UPB1: variants seen among roughly 807,000 people sequenced by gnomAD.
UPB1 encodes the protein beta-ureidopropionase 1.
Under a neutral mutation model 49.1 loss-of-function variants are expected in UPB1, and 40 were observed. The observed-to-expected ratio is 0.81, with a 90% CI of 0.63 to 1.06. The LOEUF (loss-of-function observed/expected upper bound fraction) is 1.06. Among genes scored for constraint, UPB1 ranks in the 50% least tolerant of loss-of-function variants. The pLI is 0.00. For synonymous variants in UPB1, 207 were observed against 198.2 expected (o/e 1.04, Z -0.38); for missense variants, 499 against 505.9 (o/e 0.99, Z 0.13).
At chr22:24,508,643 C>T (rs1254348259) in intron 3 of UPB1, among the ~76,000 whole-genome samples, 3 of 149,572 alleles carry the variant, frequency 2.0e-5, no homozygotes, top group East Asian at 4.0e-4. Flanking sequence ...TTTGGGAGGC[C>T]GAGGCAGCTG....
chr22:24,518,761 C>T (rs1201341662), intron 6 of UPB1, among the ~76,000 whole-genome samples: 1 of 152,204 alleles, frequency 6.6e-6, no homozygotes, highest in East Asian at 1.9e-4. Context: ...GTGTCCCTTA[C>T]AGCTTGGGTG....
intron 3 of UPB1, among the ~76,000 whole-genome samples, chr22:24,510,152 G>A (rs1172101164): frequency 6.6e-6 from 1 of 151,516 alleles, no homozygotes; most frequent in Non-Finnish European, 1.5e-5. Flanking sequence ...AGAATTGCTT[G>A]AACCTGGGAG....
intron 1 of UPB1, among the ~76,000 whole-genome samples, chr22:24,497,352 C>T (rs1240406575): frequency 6.6e-6 from 1 of 152,156 alleles, no homozygotes; most frequent in Non-Finnish European, 1.5e-5. Flanking sequence ...ATTTGATTCA[C>T]CCCCGCCATG....
rs2044436915 is a variant in UPB1, at chr22:24,523,741, T to C, written c.1039T>C (p.Cys347Arg). ...AGTTGCTAAGCTCGACCTAAACCTC[T>C]GCCAGCAGGTGAATGATGTCTGGAA... Reference protein sequence around the residue: ...LLVAKLDLNLCQQVNDVWNFK... With the variant: ...LLVAKLDLNLRQQVNDVWNFK... Residue 347 changes from cysteine (C) to arginine (R), a missense_variant, in exon 9 of 10, where the codon TGC becomes CGC. Physicochemically the swap from Cys to Arg is radical, Grantham distance 180 (BLOSUM62 -3). Coordinates refer to ENST00000326010, the MANE Select transcript of UPB1 (RefSeq NM_016327.3). The C allele has an allele frequency of 1.2e-6, 2 of 1,614,266 alleles. No homozygotes were observed. The highest frequency in any genetic ancestry group is 1.7e-6 in the Non-Finnish European group (2 of 1,180,042).
At position 24,525,772 on chromosome 22, in the gene UPB1, G is replaced by A. The variant is rs1411908247; in HGVS notation, c.1133G>A (p.Ser378Asn). The stretch of plus-strand genomic sequence containing the variant: ...GCCGAAGCTGTCAAGTCCAACTACA[G>A]CCCCACCATCGTGAAAGAGTAGCCG... ...ELAEAVKSNY[S>N]PTIVKE Residue 378 changes from serine (S) to asparagine (N), a missense_variant, in exon 10 of 10, where the codon AGC becomes AAC. Coordinates refer to ENST00000326010, the MANE Select transcript of UPB1 (RefSeq NM_016327.3). 1 of 1,614,202 alleles carries A rather than the reference G, an allele frequency of 6.2e-7. No individual in the cohort carries two copies. The highest frequency in any genetic ancestry group is 8.5e-7 in the Non-Finnish European group (1 of 1,180,040).
At chr22:24,504,938 T>A in intron 3 of UPB1, among the ~76,000 whole-genome samples, 1 of 143,846 alleles carries the variant, frequency 7.0e-6, no homozygotes, top group Non-Finnish European at 1.5e-5. Flanking sequence ...AAAGATGAGA[T>A]CTGTGTTGCC....
intron 1 of UPB1, among the ~76,000 whole-genome samples, chr22:24,496,764 AAG>A (rs1423009881): frequency 6.6e-6 from 1 of 151,014 alleles, no homozygotes; most frequent in African/African-American, 2.4e-5. Context: ...GGGTCAGAGA[AAG>A]AGACTTTGTG....
chr22:24,515,266 G>C lies in UPB1; in HGVS notation c.687G>C (p.Ala229=). The change falls in exon 6 of 10, where the codon GCG becomes GCC. Residue 229 remains alanine (A), a synonymous_variant. Transcript: ENST00000326010. ...PVFQTQFGRI[A]VNICYGRHHP... ...TCCAGACGCAGTTCGGAAGGATCGC[G>C]GTGAACATTTGCTACGGGCGGCACC... The C allele has an allele frequency of 6.2e-7, 1 of 1,614,184 alleles. No individual in the cohort carries two copies. The highest frequency in any genetic ancestry group is 2.2e-5 in the East Asian group (1 of 44,872).
chr22:24,500,168 G>A lies in UPB1; in HGVS notation c.166G>A (p.Gly56Arg), dbSNP rs1448791037. ...AASREDFELQ[G>R]YAFEAAEEQL... ...CTCCAGAGAAGACTTTGAACTGCAG[G>A]GATATGCCTTTGAAGCAGCGGAGGA... Residue 56 changes from glycine to arginine, a missense_variant, in exon 2 of 10, where the codon GGA becomes AGA. Coordinates refer to ENST00000326010, the MANE Select transcript of UPB1 (RefSeq NM_016327.3). 6.2e-6 allele frequency: 10 copies of A among 1,614,110 alleles called. No individual in the cohort carries two copies. The South Asian group carries it at 7.7e-5, about 12-fold the overall frequency.
chr22:24,521,884 G>T, intron 7 of UPB1, 102 bp from the exon 8 acceptor site: 1 of 1,236,946 alleles, frequency 8.1e-7, no homozygotes. Flanking sequence ...TGGCTGACTC[G>T]CCTCTCGGCC....
At chr22:24,499,042 C>T (rs911857236) in intron 1 of UPB1, among the ~76,000 whole-genome samples, 2 of 152,202 alleles carry the variant, frequency 1.3e-5, no homozygotes, top group African/African-American at 2.4e-5. Flanking sequence ...GTGGGCACTG[C>T]TGCTATTTCT....
chr22:24,498,575 C>T (rs2043932901), intron 1 of UPB1, among the ~76,000 whole-genome samples: 1 of 152,110 alleles, frequency 6.6e-6, no homozygotes, highest in East Asian at 1.9e-4. Context: ...AGAATGAGCT[C>T]GCAGGGAGCT....
intron 4 of UPB1, among the ~76,000 whole-genome samples, chr22:24,512,732 C>T (rs1399146198): frequency 1.3e-5 from 2 of 152,104 alleles, no homozygotes; most frequent in East Asian, 3.9e-4. Context: ...ATTATAGTTT[C>T]CATTTCTGTG....
chr22:24,509,144 C>T (rs2044146087), intron 3 of UPB1, among the ~76,000 whole-genome samples: 1 of 152,052 alleles, frequency 6.6e-6, no homozygotes, highest in Admixed American at 6.6e-5. Flanking sequence ...CCGTTCACAC[C>T]AGCAGACTGG....
At chr22:24,520,567 C>A in intron 7 of UPB1, 99 bp downstream of exon 7, 1 of 1,354,654 alleles carries the variant, frequency 7.4e-7, no homozygotes, top group Non-Finnish European at 1.0e-6. Flanking sequence ...TCCTAGGGTC[C>A]GGAAAGGGGT....
chr22:24,505,594 C>T (rs1009092938), intron 3 of UPB1, among the ~76,000 whole-genome samples: 11 of 152,240 alleles, frequency 7.2e-5, no homozygotes, highest in Admixed American at 3.3e-4. Context: ...GCCAGAGAGC[C>T]TCTGCTGAAC....
At chr22:24,516,708 A>C (rs2044300212) in intron 6 of UPB1, 1 of 151,250 alleles carries the variant, frequency 6.6e-6, no homozygotes, top group Non-Finnish European at 1.5e-5. Flanking sequence ...TCTTGACTAA[A>C]TTTCAGTTGA....
At position 24,526,033 on chromosome 22, in the gene UPB1, G is replaced by T. The variant is rs1479226450; in HGVS notation, c.*239G>T. 7.3e-6 allele frequency: 4 copies of T among 546,554 alleles called. No individual in the cohort carries two copies. The highest frequency in any genetic ancestry group is 1.3e-5 in the Non-Finnish European group (4 of 303,358). The allele number at this position is 546,554 out of a possible 1,614,324, so 33.9% of individuals were successfully genotyped here. On this transcript the variant is annotated 3_prime_UTR_variant, in exon 10 of 10. Coordinates refer to ENST00000326010, the MANE Select transcript of UPB1 (RefSeq NM_016327.3). ...AGAGGTGAATGTACTAAATGCCACT[G>T]AATTTGTATACTTCAGAATGTTTGT...
At chr22:24,518,975 G>T (rs1273633244) in intron 6 of UPB1, among the ~76,000 whole-genome samples, 1 of 152,154 alleles carries the variant, frequency 6.6e-6, no homozygotes, top group East Asian at 1.9e-4. Context: ...TTCCCCTGGT[G>T]GTTTTGAGAG....
Sources: gnomAD v4.1 joint callset for allele counts (sites outside exome capture counted in the v4.1 genomes callset) on GRCh38, gnomAD v4.1.1 for gene constraint, MANE v1.5 for transcripts, NCBI Gene and HGNC (gene_info 2026-07-23, HGNC 2026-07-21) for gene names.